Variants in SLC2A2 observed in about 807,000 individuals in gnomAD.
SLC2A2 encodes the protein solute carrier family 2 member 2.
Under a neutral mutation model 54.5 loss-of-function variants are expected in SLC2A2, and 36 were observed. That is an observed-to-expected ratio of 0.66 (90% confidence interval 0.51 to 0.87). The LOEUF is 0.87. Ranked by LOEUF, SLC2A2 falls within the 40% of genes least tolerant of loss-of-function variation. The pLI is 0.00. For synonymous variants in SLC2A2, 223 were observed against 219.1 expected (o/e 1.02, Z -0.16); for missense variants, 543 against 624.3 (o/e 0.87, Z 1.39).
intron 5 of SLC2A2, 147 bp downstream of exon 5, chr3:171,007,001 G>A (rs865832819): frequency 4.4e-6 from 3 of 688,716 alleles, no homozygotes; most frequent in African/African-American, 1.8e-5. Context: ...TTTTCTCTCT[G>A]TGCTGGTCTA....
chr3:171,017,475 A>G (rs1576841064), intron 2 of SLC2A2, among the ~76,000 whole-genome samples: 1 of 152,312 alleles, frequency 6.6e-6, no homozygotes, highest in East Asian at 1.9e-4. Flanking sequence ...CACACCCTGC[A>G]GTATCTTTCA....
At chr3:171,017,688 C>G (rs954885123) in intron 2 of SLC2A2, among the ~76,000 whole-genome samples, 5 of 152,176 alleles carry the variant, frequency 3.3e-5, no homozygotes, top group African/African-American at 1.2e-4. Context: ...GGAAGAGGAA[C>G]AATTCATCAG....
At chr3:171,001,131 A>C (rs1715315009) in intron 8 of SLC2A2, among the ~76,000 whole-genome samples, 1 of 152,038 alleles carries the variant, frequency 6.6e-6, no homozygotes, top group African/African-American at 2.4e-5. Flanking sequence ...GGTTGGGAGC[A>C]GGGTGCAAAA....
intron 3 of SLC2A2, among the ~76,000 whole-genome samples, chr3:171,012,001 C>A (rs1326715999): frequency 2.0e-5 from 3 of 152,044 alleles, no homozygotes; most frequent in Non-Finnish European, 4.4e-5. Context: ...CATGAAATAG[C>A]TGAATCAGGG....
At chr3:171,012,707 A>G (rs1467636697) in intron 3 of SLC2A2, among the ~76,000 whole-genome samples, 1 of 152,152 alleles carries the variant, frequency 6.6e-6, no homozygotes, top group African/African-American at 2.4e-5. Flanking sequence ...TCACTTCTCA[A>G]TGAATCTCTC....
rs759205702 is a variant in SLC2A2 at position 170,998,403 on chromosome 3, A to C, written c.1171-7T>G. ...TCATCCAAGAGAACTTATTCTGAGGAAAAAAACAAAAACAATAGTGGGACT... is the reference window on the plus strand; with the variant it reads ...TCATCCAAGAGAACTTATTCTGAGGCAAAAAACAAAAACAATAGTGGGACT... On this transcript the variant is annotated splice_polypyrimidine_tract_variant and splice_region_variant and intron_variant, in intron 9 of 10. Transcript: ENST00000314251. 1.2e-6 allele frequency: 2 copies of C among 1,611,870 alleles called. No homozygotes were observed. The highest frequency in any genetic ancestry group is 1.7e-6 in the Non-Finnish European group (2 of 1,178,408).
At chr3:171,009,329 G>C (rs1715765196) in intron 4 of SLC2A2, among the ~76,000 whole-genome samples, 1 of 152,072 alleles carries the variant, frequency 6.6e-6, no homozygotes, top group Non-Finnish European at 1.5e-5. Flanking sequence ...AATATCAGCT[G>C]CTTCTCTCTG....
At chr3:171,026,529 T>G in intron 1 of SLC2A2, 127 bp downstream of exon 1, 1 of 822,298 alleles carries the variant, frequency 1.2e-6, no homozygotes, top group Non-Finnish European at 2.2e-6. Context: ...ATTGGCAAAG[T>G]AAAGAGAATT....
intron 1 of SLC2A2, among the ~76,000 whole-genome samples, chr3:171,019,227 GA>G (rs1375638029): frequency 6.6e-6 from 1 of 150,508 alleles, no homozygotes; most frequent in Non-Finnish European, 1.5e-5. Flanking sequence ...CGCCAAGATA[GA>G]GCCATTATAT....
chr3:171,016,510 A>G (rs1383347833), intron 2 of SLC2A2, among the ~76,000 whole-genome samples: 1 of 152,174 alleles, frequency 6.6e-6, no homozygotes, highest in Non-Finnish European at 1.5e-5. Context: ...AATATCCAAA[A>G]TGTTCTCAGC....
At chr3:171,002,506 A>C in intron 8 of SLC2A2, 70 bp downstream of exon 8, 3 of 976,844 alleles carry the variant, frequency 3.1e-6, no homozygotes, top group African/African-American at 1.6e-5. Context: ...TTAGAGCCGA[A>C]GTTCCCCACC....
At chr3:171,001,962 A>T (rs1220160925) in intron 8 of SLC2A2, among the ~76,000 whole-genome samples, 2 of 151,796 alleles carry the variant, frequency 1.3e-5, no homozygotes, top group Non-Finnish European at 2.9e-5. Context: ...ATTTCTAGTT[A>T]CTATGTCACT....
intron 2 of SLC2A2, among the ~76,000 whole-genome samples, chr3:171,015,417 A>G (rs1386655117): frequency 6.6e-6 from 1 of 152,138 alleles, no homozygotes; most frequent in African/African-American, 2.4e-5. Context: ...GGCTGCAGTG[A>G]GTCAAGATGG....
chr3:170,996,745 A>G lies in SLC2A2; in HGVS notation c.*1158T>C. ...GTTTGGCTAGAATCTGTATACAGCT[A>G]AGACAAAGAAGGAAATGTCAAAGGA... On this transcript the variant is annotated 3_prime_UTR_variant, in exon 11 of 11. Transcript: ENST00000314251. The G allele has an allele frequency of 2.5e-6, 1 of 397,264 alleles. No individual in the cohort carries two copies. The highest frequency in any genetic ancestry group is 4.4e-6 in the Non-Finnish European group (1 of 225,088). The allele number at this position is 397,264 out of a possible 1,614,324, so 24.6% of individuals were successfully genotyped here. A position where few individuals can be genotyped will look rare whatever the true frequency, so the allele number is the denominator to read the frequency against.
intron 8 of SLC2A2, among the ~76,000 whole-genome samples, chr3:171,001,314 G>C (rs191404531): frequency 4.6e-5 from 7 of 152,044 alleles, no homozygotes; most frequent in Non-Finnish European, 1.0e-4. Context: ...AGACAAAAGG[G>C]TGAATAGTCC....
At chr3:171,021,205 A>C (rs571415225) in intron 1 of SLC2A2, among the ~76,000 whole-genome samples, 34 of 152,168 alleles carry the variant, frequency 2.2e-4, no homozygotes, top group African/African-American at 7.9e-4. Context: ...GCTATTTCCA[A>C]GGATAGGGAT....
chr3:171,024,867 A>T (rs1366743346), intron 1 of SLC2A2, among the ~76,000 whole-genome samples: 2 of 152,278 alleles, frequency 1.3e-5, no homozygotes, highest in Admixed American at 6.5e-5. Context: ...CTCAGTTCTC[A>T]TTCTTTCTGG....
At chr3:171,009,900 C>A in intron 4 of SLC2A2, 58 bp downstream of exon 4, 1 of 1,528,444 alleles carries the variant, frequency 6.5e-7, no homozygotes, top group Non-Finnish European at 8.8e-7. Flanking sequence ...GAGTTACTTT[C>A]AGACAAAGGT....
chr3:171,002,538 A>G (rs1157689588), intron 8 of SLC2A2, 38 bp downstream of exon 8: 3 of 1,349,172 alleles, frequency 2.2e-6, no homozygotes, highest in Non-Finnish European at 3.2e-6. Context: ...TTCTGGACTA[A>G]GGAACAAGCA....
Sources: allele counts gnomAD v4.1 joint callset (sites outside exome capture counted in the v4.1 genomes callset), GRCh38; gene constraint gnomAD v4.1.1; transcripts MANE v1.5; gene names NCBI Gene and HGNC (gene_info 2026-07-23, HGNC 2026-07-21).